PPP2R2D: variants seen among roughly 807,000 people sequenced by gnomAD.
The protein encoded by PPP2R2D is protein phosphatase 2 regulatory subunit Bdelta, also known as serine/threonine-protein phosphatase 2A 55 kDa regulatory subunit B delta isoform.
Under a neutral mutation model 31.1 loss-of-function variants are expected in PPP2R2D, and 9 were observed. The ratio of observed to expected loss-of-function variants is 0.29; its 90% CI spans 0.17 to 0.51. The LOEUF is 0.51. Among genes scored for constraint, PPP2R2D ranks in the 20% least tolerant of loss-of-function variants. The pLI, the probability that PPP2R2D is intolerant of heterozygous loss-of-function variation, is 0.98. For missense variants in PPP2R2D, 391 were observed against 465.6 expected (o/e 0.84, Z 1.48); for synonymous variants, 179 against 172.6 (o/e 1.04, Z -0.29).
chr10:131,948,817 C>A (rs1387588829), intron 8 of PPP2R2D, among the ~76,000 whole-genome samples: 1 of 152,198 alleles, frequency 6.6e-6, no homozygotes, highest in Non-Finnish European at 1.5e-5. Context: ...AGCCTTGGCC[C>A]ACACGAGGTG....
At chr10:131,917,351 T>A (rs2119783641) in intron 2 of PPP2R2D, among the ~76,000 whole-genome samples, 1 of 132,422 alleles carries the variant, frequency 7.6e-6, no homozygotes, top group Non-Finnish European at 1.6e-5. Context: ...GATGACACAG[T>A]GTAGGGACCT....
intron 8 of PPP2R2D, among the ~76,000 whole-genome samples, chr10:131,953,410 CA>C (rs2036727179): frequency 2.1e-5 from 1 of 47,864 alleles, no homozygotes. Flanking sequence ...ACTGTCTTAG[CA>C]GTGACTTGCG....
chr10:131,905,915 C>T (rs1306623197), intron 2 of PPP2R2D, among the ~76,000 whole-genome samples: 2 of 152,134 alleles, frequency 1.3e-5, no homozygotes, highest in East Asian at 1.9e-4. Flanking sequence ...TACCAAGAGG[C>T]GTGTGAAAAT....
rs190119938 is a variant in PPP2R2D, at chr10:131,954,197, T to C, written c.1083-1487T>C. On this transcript the variant is annotated intron_variant, in intron 8 of 8. Transcript: ENST00000455566. ...GAAACACCCACTCTGGGGCTGGCAC[T>C]ATCTGTCGAGAATTTAAAAGTGATC... 2.3e-3 allele frequency among the ~76,000 whole-genome samples: 349 copies of C among 152,356 alleles called. 3 individuals carry two copies. Among genetic ancestry groups the C allele is most frequent in the Admixed American group, 5.7e-3 (87 of 15,306 alleles).
intron 5 of PPP2R2D, 35 bp from the exon 6 acceptor site, chr10:131,943,933 C>T (rs782439753): frequency 1.3e-6 from 1 of 777,812 alleles, no homozygotes; most frequent in African/African-American, 1.7e-5. Flanking sequence ...CTGCTGTGAT[C>T]TTTGTTTTGA....
chr10:131,962,281 G>C (rs1320714485), downstream of PPP2R2D, among the ~76,000 whole-genome samples: 1 of 152,198 alleles, frequency 6.6e-6, no homozygotes, highest in Non-Finnish European at 1.5e-5. Context: ...TCACGCACGG[G>C]AAACAGGTTT....
At chr10:131,912,966 T>C (rs1277763201) in intron 2 of PPP2R2D, among the ~76,000 whole-genome samples, 1 of 152,196 alleles carries the variant, frequency 6.6e-6, no homozygotes, top group African/African-American at 2.4e-5. Context: ...ATTACATCTT[T>C]TGTCCATTTT....
chr10:131,943,573 T>C (rs1272182157), intron 5 of PPP2R2D, among the ~76,000 whole-genome samples: 1 of 152,030 alleles, frequency 6.6e-6, no homozygotes, highest in Non-Finnish European at 1.5e-5. Flanking sequence ...TGTGTGCATC[T>C]AGCTGCAAGG....
intron 7 of PPP2R2D, among the ~76,000 whole-genome samples, chr10:131,946,601 A>C (rs2036546511): frequency 6.6e-6 from 1 of 152,256 alleles, no homozygotes; most frequent in Non-Finnish European, 1.5e-5. Context: ...TATCTTAAGC[A>C]TAAAATTCTT....
At chr10:131,930,081 T>G (rs531716816) in intron 2 of PPP2R2D, among the ~76,000 whole-genome samples, 1 of 152,346 alleles carries the variant, frequency 6.6e-6, no homozygotes, top group Admixed American at 6.5e-5. Flanking sequence ...TATTGCAAGT[T>G]TTTGTTACAT....
At chr10:131,902,815 C>G (rs1458184538) in intron 2 of PPP2R2D, among the ~76,000 whole-genome samples, 1 of 152,242 alleles carries the variant, frequency 6.6e-6, no homozygotes, top group East Asian at 1.9e-4. Context: ...TGCAGTGGTG[C>G]GATCTGGGCT....
At chr10:131,952,587 C>CG (rs140919223) in intron 8 of PPP2R2D, among the ~76,000 whole-genome samples, 42 of 6,428 alleles carry the variant, frequency 6.5e-3, no homozygotes, top group Admixed American at 0.017. Flanking sequence ...TGCGGGTGTG[C>CG]GGGGGGTTCA....
At chr10:131,934,307 G>C (rs1009567253) in intron 2 of PPP2R2D, 151 bp from the exon 3 acceptor site, 30 of 577,322 alleles carry the variant, frequency 5.2e-5, no homozygotes, top group African/African-American at 4.9e-4. Context: ...TGGCCACTTG[G>C]TAATTACAAG....
chr10:131,967,596 G>A, the PPP2R2D span: 2 of 152,554 alleles, frequency 1.3e-5, no homozygotes, highest in African/African-American at 4.8e-5. Flanking sequence ...TTTGCTGTAG[G>A]AAAGATAATG....
downstream of PPP2R2D, among the ~76,000 whole-genome samples, chr10:131,964,404 G>C (rs889156918): frequency 6.6e-6 from 1 of 151,476 alleles, no homozygotes; most frequent in South Asian, 2.1e-4. Flanking sequence ...GCACACAGCT[G>C]TTGGAGGATC....
chr10:131,969,451 T>C, the PPP2R2D span: 3 of 152,196 alleles, frequency 2.0e-5, no homozygotes, highest in African/African-American at 4.8e-5. Context: ...TCTGTAGGTC[T>C]GACTCCCAAA....
chr10:131,946,455 G>C (rs1177839457), intron 7 of PPP2R2D, among the ~76,000 whole-genome samples: 3 of 152,264 alleles, frequency 2.0e-5, no homozygotes, highest in South Asian at 4.2e-4. Flanking sequence ...CCAGTGCCTC[G>C]GTGGAATGTG....
chr10:131,927,182 G>T (rs2036123178), intron 2 of PPP2R2D, among the ~76,000 whole-genome samples: 2 of 152,144 alleles, frequency 1.3e-5, no homozygotes, highest in Admixed American at 1.3e-4. Context: ...AGTGGCTGGG[G>T]TGCTGGAAGT....
Position 131,947,154 on chromosome 10 carries a change from G to A in PPP2R2D, c.821-376G>A, listed in dbSNP as rs1442382327. Among the ~76,000 whole-genome samples, 3 of 152,186 alleles carry A rather than the reference G, an allele frequency of 2.0e-5. No homozygotes were observed. The highest frequency in any genetic ancestry group is 6.5e-5 in the Admixed American group (1 of 15,282). On this transcript the variant is annotated intron_variant, in intron 7 of 8. Coordinates refer to ENST00000455566, the MANE Select transcript of PPP2R2D (RefSeq NM_018461.5). This position sits in a 1 kb window ranked among gnomAD's most constrained non-coding sequence, Gnocchi z 4.3. The stretch of plus-strand genomic sequence containing the variant: ...CTCGGGCCTGGTGCCATGAGGACGC[G>A]GAGACACTCCTACAGGAATGCGGTG...
Sources: allele counts gnomAD v4.1 joint callset (sites outside exome capture counted in the v4.1 genomes callset), GRCh38; gene constraint gnomAD v4.1.1; non-coding constraint Gnocchi (gnomAD v3.1); transcripts MANE v1.5; gene names NCBI Gene and HGNC (gene_info 2026-07-23, HGNC 2026-07-21).